Variants in M1AP observed in about 807,000 individuals in gnomAD.
M1AP encodes meiosis 1 associated protein, also known as meiosis 1 arrest protein.
A neutral mutation model predicts 51.2 loss-of-function variants in M1AP; 39 were observed. The ratio of observed to expected loss-of-function variants is 0.76; its 90% CI spans 0.59 to 1.00. The LOEUF (loss-of-function observed/expected upper bound fraction) is 1.00, where lower values mean the gene tolerates loss of function less well. Ranked by LOEUF, M1AP falls within the 50% of genes least tolerant of loss-of-function variation. M1AP has a pLI of 0.00. For missense variants in M1AP, 545 were observed against 641.2 expected (o/e 0.85, Z 1.62); for synonymous variants, 251 against 249.2 (o/e 1.01, Z -0.07).
At chr2:74,634,595 T>A (rs1682875191) in intron 2 of M1AP, among the ~76,000 whole-genome samples, 1 of 152,202 alleles carries the variant, frequency 6.6e-6, no homozygotes, top group South Asian at 2.1e-4. Flanking sequence ...TCTAGTACTA[T>A]GCTGAGGAGT....
At chr2:74,599,837 T>C (rs1680571411) in intron 4 of M1AP, among the ~76,000 whole-genome samples, 1 of 152,004 alleles carries the variant, frequency 6.6e-6, no homozygotes. Context: ...ACAGGATTTT[T>C]TTTTTTTTTT....
At chr2:74,646,534 C>G (rs1683622701) in intron 1 of M1AP, among the ~76,000 whole-genome samples, 1 of 152,156 alleles carries the variant, frequency 6.6e-6, no homozygotes, top group Admixed American at 6.5e-5. Context: ...AAGAAACTTT[C>G]AGAGATATTT....
chr2:74,602,285 G>A (rs868173528), intron 4 of M1AP, among the ~76,000 whole-genome samples: 4 of 152,096 alleles, frequency 2.6e-5, no homozygotes, highest in East Asian at 3.9e-4. Flanking sequence ...AGTGATAATC[G>A]TTAGTGATAG....
At position 74,575,432 on chromosome 2, in the gene M1AP, A is replaced by T; in HGVS notation, c.1074+6T>A. 1 of 1,613,772 alleles carries T rather than the reference A, an allele frequency of 6.2e-7. No individual in the cohort carries two copies. Among genetic ancestry groups the T allele is most frequent in the East Asian group, 2.2e-5 (1 of 44,872 alleles). ...TTCTTTTTCACCTGGGGACATGGGT[A>T]CTCACCAGCAGGCTGTGACACAAAG... On this transcript the variant is annotated splice_donor_region_variant and intron_variant, in intron 7 of 10. Coordinates refer to ENST00000421985, the MANE Select transcript of M1AP (RefSeq NM_001321739.2).
chr2:74,582,815 G>C (rs1679490374), intron 4 of M1AP, among the ~76,000 whole-genome samples: 1 of 152,126 alleles, frequency 6.6e-6, no homozygotes, highest in African/African-American at 2.4e-5. Flanking sequence ...GAGCTGAGGA[G>C]TTCAAGACCA....
rs190438116 is a variant in M1AP at position 74,610,850 on chromosome 2, T to C, written c.427-3627A>G. 3.9e-4 allele frequency among the ~76,000 whole-genome samples: 59 copies of C among 152,362 alleles called. 2 individuals are homozygous for C. The highest frequency in any genetic ancestry group is 3.5e-3 in the Admixed American group (54 of 15,308). ...GTCTTCATTGTGTTGAGGTATGCTC[T>C]TTCTGAACCTATTTTGTTAAGAGTT... On this transcript the variant is annotated intron_variant, in intron 3 of 10. Coordinates refer to ENST00000421985, the MANE Select transcript of M1AP (RefSeq NM_001321739.2).
intron 4 of M1AP, among the ~76,000 whole-genome samples, chr2:74,582,560 C>CAT (rs932623940): frequency 3.3e-5 from 5 of 152,084 alleles, no homozygotes; most frequent in African/African-American, 1.2e-4. Flanking sequence ...AAACTATCTA[C>CAT]ATATATATAT....
chr2:74,598,444 T>A (rs1345140958), intron 4 of M1AP, among the ~76,000 whole-genome samples: 3 of 151,846 alleles, frequency 2.0e-5, no homozygotes, highest in Non-Finnish European at 2.9e-5. Flanking sequence ...AATAACACTT[T>A]ATAATTTTAG....
chr2:74,602,330 A>G (rs1680724122), intron 4 of M1AP, among the ~76,000 whole-genome samples: 1 of 152,228 alleles, frequency 6.6e-6, no homozygotes, highest in Admixed American at 6.5e-5. Context: ...GTTCCAGGTA[A>G]CTGACAGTTC....
In M1AP at chr2:74,578,476, G is replaced by T. The variant is rs11902454; in HGVS notation, c.770-1858C>A. Among the ~76,000 whole-genome samples the T allele has an allele frequency of 5.9e-3, 882 of 150,014 alleles. 5 individuals are homozygous for T. The highest frequency in any genetic ancestry group is 0.02 in the African/African-American group (828 of 40,936). On this transcript the variant is annotated intron_variant, in intron 5 of 10. Coordinates refer to ENST00000421985, the MANE Select transcript of M1AP (RefSeq NM_001321739.2). ...CCTGAGACACTGGTATTTTTTATAA[G>T]TTCCCCATGTGATTCTTACTGCAGC...
At chr2:74,625,095 G>T (rs1204031371) in intron 2 of M1AP, among the ~76,000 whole-genome samples, 3 of 152,140 alleles carry the variant, frequency 2.0e-5, no homozygotes, top group Non-Finnish European at 2.9e-5. Context: ...TCATGAAAAT[G>T]TGTCACAGAA....
intron 7 of M1AP, among the ~76,000 whole-genome samples, chr2:74,574,866 GTTAA>G (rs1308967003): frequency 1.3e-5 from 2 of 152,156 alleles, no homozygotes; most frequent in Non-Finnish European, 2.9e-5. Context: ...CCTTCACCTG[GTTAA>G]TTCTCACTTA....
At chr2:74,567,099 G>T (rs575428842) in intron 7 of M1AP, among the ~76,000 whole-genome samples, 1 of 152,330 alleles carries the variant, frequency 6.6e-6, no homozygotes, top group East Asian at 1.9e-4. Flanking sequence ...GCAATGGATA[G>T]ATTGATCTCA....
chr2:74,621,680 C>G lies in M1AP; in HGVS notation c.241-6531G>C, dbSNP rs552238371. 8.0e-4 allele frequency among the ~76,000 whole-genome samples: 122 copies of G among 152,006 alleles called. No homozygotes were observed. The Middle Eastern group carries it at 0.01, about 13-fold the overall frequency. The stretch of plus-strand genomic sequence containing the variant: ...TGGTGGCGGGTGCCTGTAGTCCCAG[C>G]TACTCGGGAGGCTGAGGCAGGAGAA... On this transcript the variant is annotated intron_variant, in intron 2 of 10. Coordinates refer to ENST00000421985, the MANE Select transcript of M1AP (RefSeq NM_001321739.2).
chr2:74,609,681 G>C (rs761874196), intron 3 of M1AP, among the ~76,000 whole-genome samples: 1 of 152,156 alleles, frequency 6.6e-6, no homozygotes, highest in African/African-American at 2.4e-5. Flanking sequence ...TACCAAAAAT[G>C]TAAGGAGGGT....
chr2:74,640,564 G>A (rs774795040), intron 1 of M1AP, among the ~76,000 whole-genome samples: 4 of 151,464 alleles, frequency 2.6e-5, no homozygotes, highest in Non-Finnish European at 5.9e-5. Flanking sequence ...AGGTTCAAGC[G>A]ATTCTCCTGC....
intron 7 of M1AP, among the ~76,000 whole-genome samples, chr2:74,566,949 A>T (rs1678431987): frequency 6.6e-6 from 1 of 152,140 alleles, no homozygotes; most frequent in African/African-American, 2.4e-5. Context: ...AAACTGAAAG[A>T]CCTAGGTGGT....
At chr2:74,566,002 T>C (rs906072768) in intron 7 of M1AP, among the ~76,000 whole-genome samples, 2 of 152,018 alleles carry the variant, frequency 1.3e-5, no homozygotes, top group African/African-American at 4.8e-5. Flanking sequence ...GGTGAAAGAG[T>C]GGATTCTCTG....
At chr2:74,637,002 AG>A (rs1488475667) in intron 2 of M1AP, among the ~76,000 whole-genome samples, 2 of 152,226 alleles carry the variant, frequency 1.3e-5, no homozygotes, top group Non-Finnish European at 2.9e-5. Context: ...TATCAAAATT[AG>A]AAAAATTTTG....
Sources: allele counts gnomAD v4.1 joint callset (sites outside exome capture counted in the v4.1 genomes callset), GRCh38; gene constraint gnomAD v4.1.1; transcripts MANE v1.5; gene names NCBI Gene and HGNC (gene_info 2026-07-23, HGNC 2026-07-21).